GNAO1: variants seen among roughly 807,000 people sequenced by gnomAD.
GNAO1 encodes the protein guanine nucleotide-binding protein G(o) subunit alpha.
For synonymous variants in GNAO1, 164 were observed against 180.7 expected (o/e 0.91, Z 0.74); for missense variants, 166 against 478.7 (o/e 0.35, Z 6.10).
At chr16:56,349,799 G>T (rs895505130) in intron 6 of GNAO1, among the ~76,000 whole-genome samples, 5 of 152,172 alleles carry the variant, frequency 3.3e-5, no homozygotes, top group Non-Finnish European at 7.4e-5. Flanking sequence ...CCAGGGGCTG[G>T]GGCTGGCCGC....
intron 2 of GNAO1, among the ~76,000 whole-genome samples, chr16:56,252,501 A>G (rs2036808683): frequency 6.6e-6 from 1 of 152,186 alleles, no homozygotes; most frequent in South Asian, 2.1e-4. Flanking sequence ...GCCACTCACC[A>G]CCTGAGTGAC....
chr16:56,208,890 T>A (rs146434612), intron 2 of GNAO1, among the ~76,000 whole-genome samples: 72 of 152,296 alleles, frequency 4.7e-4, no homozygotes, highest in African/African-American at 1.7e-3. Context: ...TTTTTTTGTT[T>A]TTTGTTTTCA....
At chr16:56,209,346 C>T (rs562770779) in intron 2 of GNAO1, among the ~76,000 whole-genome samples, 3 of 152,314 alleles carry the variant, frequency 2.0e-5, no homozygotes, top group African/African-American at 7.2e-5. Context: ...CAGTGCCACA[C>T]TGTCTTGATT....
intron 4 of GNAO1, chr16:56,329,042 G>T (rs1424667273): frequency 1.3e-5 from 6 of 474,990 alleles, no homozygotes; most frequent in South Asian, 2.7e-5. Flanking sequence ...TTCCCAGAGG[G>T]CCGGGACCTT....
intron 3 of GNAO1, among the ~76,000 whole-genome samples, chr16:56,303,337 G>A (rs1037746424): frequency 6.6e-6 from 1 of 152,224 alleles, no homozygotes; most frequent in Admixed American, 6.5e-5. Flanking sequence ...TGAGCTCAGG[G>A]TGGGGTCAGA....
intron 3 of GNAO1, among the ~76,000 whole-genome samples, chr16:56,325,293 A>G (rs1457830587): frequency 2.0e-5 from 3 of 152,228 alleles, no homozygotes; most frequent in African/African-American, 4.8e-5. Flanking sequence ...CCTGACCAAC[A>G]TGGAGAAACC....
chr16:56,274,285 T>C (rs1385480277), intron 2 of GNAO1, among the ~76,000 whole-genome samples: 1 of 152,248 alleles, frequency 6.6e-6, no homozygotes, highest in Non-Finnish European at 1.5e-5. Flanking sequence ...TCTGGTTTTC[T>C]AGTTGTTTAC....
intron 3 of GNAO1, among the ~76,000 whole-genome samples, chr16:56,320,869 C>T (rs997442016): frequency 1.6e-4 from 24 of 152,218 alleles, no homozygotes; most frequent in Admixed American, 4.6e-4. Context: ...CTCCTTCATG[C>T]CTCAGGCAGA....
chr16:56,344,051 G>A (rs1313162645), intron 6 of GNAO1: 8 of 1,534,734 alleles, frequency 5.2e-6, no homozygotes, highest in Non-Finnish European at 4.4e-6. Context: ...TGCACTTGAG[G>A]AAGAAGACCT....
chr16:56,277,835 ACAC>A, intron 3 of GNAO1, among the ~76,000 whole-genome samples: 1 of 122,504 alleles, frequency 8.2e-6, no homozygotes, highest in Non-Finnish European at 1.8e-5. Context: ...ACACACACAC[ACAC>A]ACACGGTGTG....
intron 3 of GNAO1, among the ~76,000 whole-genome samples, chr16:56,321,023 A>C (rs1792411396): frequency 1.3e-5 from 2 of 152,214 alleles, no homozygotes; most frequent in South Asian, 4.1e-4. Flanking sequence ...CCACCCACAC[A>C]GGAAACACCA....
intron 3 of GNAO1, among the ~76,000 whole-genome samples, chr16:56,293,597 AT>A (rs2037254592): frequency 6.6e-6 from 1 of 152,202 alleles, no homozygotes; most frequent in Non-Finnish European, 1.5e-5. Flanking sequence ...GGAATATGAG[AT>A]TAAATGGTAC....
intron 2 of GNAO1, among the ~76,000 whole-genome samples, chr16:56,219,500 C>T (rs2036465076): frequency 6.6e-6 from 1 of 152,158 alleles, no homozygotes; most frequent in African/African-American, 2.4e-5. Flanking sequence ...TGTATGTCCT[C>T]CAGAAAAACC....
chr16:56,255,848 G>C (rs1486065235), intron 2 of GNAO1, among the ~76,000 whole-genome samples: 1 of 151,966 alleles, frequency 6.6e-6, no homozygotes, highest in Non-Finnish European at 1.5e-5. Flanking sequence ...TGTATATTTG[G>C]AGATAGGTTT....
intron 3 of GNAO1, among the ~76,000 whole-genome samples, chr16:56,282,500 C>A (rs1596840557): frequency 1.3e-5 from 2 of 152,192 alleles, no homozygotes; most frequent in Non-Finnish European, 2.9e-5. Context: ...TCTTAACTGG[C>A]CACCCAAGGT....
chr16:56,288,533 C>T (rs1255224277), intron 3 of GNAO1, among the ~76,000 whole-genome samples: 1 of 152,224 alleles, frequency 6.6e-6, no homozygotes, highest in Non-Finnish European at 1.5e-5. Context: ...CAGGCCTGGC[C>T]TCTAAAAGGA....
Position 56,214,542 on chromosome 16 carries a change from G to A in GNAO1, c.161+21926G>A, listed in dbSNP as rs1445406320. 2.0e-5 allele frequency among the ~76,000 whole-genome samples: 3 copies of A among 152,212 alleles called. No homozygotes were observed. The East Asian group carries it at 5.8e-4, about 29-fold the overall frequency. ...TAGTTTTACAGATAATTATTGCTTA[G>A]GATGAAGTTAAAGTAAACAGGACGT... is the stretch of plus-strand genomic sequence containing the variant. On this transcript the variant is annotated intron_variant, in intron 2 of 8. Transcript: ENST00000262493.
rs77299207 is a variant in GNAO1, at chr16:56,338,335, C to A, written c.723+1475C>A. ...GCAGGCAGTGATGTCAGTCACCAGC[C>A]CAGTCTTGATGCTGAGTGGGGCAAG... On this transcript the variant is annotated intron_variant, in intron 6 of 8. Coordinates refer to ENST00000262493, the MANE Select transcript of GNAO1 (RefSeq NM_020988.3). 2.4e-4 allele frequency among the ~76,000 whole-genome samples: 37 copies of A among 152,288 alleles called. No homozygotes were observed. In the East Asian group the frequency reaches 6.8e-3, roughly 28 times the overall value.
rs199960290 is a variant in GNAO1 at position 56,343,994 on chromosome 16, G to A, written c.723+7134G>A. 1.2e-3 allele frequency: 1,973 copies of A among 1,600,208 alleles called. 8 individuals carry two copies. The highest frequency in any genetic ancestry group is 0.011 in the African/African-American group (796 of 74,968). On this transcript the variant is annotated intron_variant, in intron 6 of 8. Transcript: ENST00000262493. Reference sequence around the variant, plus strand: ...GCACCCTTGCCCTGCCTGGCCTGCCGCCCCCCCTCCCCTGGAACCAGGCTC... The same window carrying A: ...GCACCCTTGCCCTGCCTGGCCTGCCACCCCCCCTCCCCTGGAACCAGGCTC...
Sources: allele counts gnomAD v4.1 joint callset (sites outside exome capture counted in the v4.1 genomes callset), GRCh38; gene constraint gnomAD v4.1.1; transcripts MANE v1.5; gene names NCBI Gene and HGNC (gene_info 2026-07-23, HGNC 2026-07-21).